Variants in RRP7A observed in about 807,000 individuals in gnomAD.
RRP7A encodes ribosomal RNA-processing protein 7 homolog A.
In RRP7A, 27 loss-of-function variants were observed where a neutral mutation model predicts 38.4. The observed-to-expected ratio is 0.70, with a 90% confidence interval of 0.52 to 0.97. The LOEUF (loss-of-function observed/expected upper bound fraction) is 0.97, where lower values mean the gene tolerates loss of function less well. Ranked by LOEUF, RRP7A falls within the 50% of genes least tolerant of loss-of-function variation. The pLI is 0.00. For missense variants in RRP7A, 327 were observed against 375.4 expected, an observed-to-expected ratio of 0.87 and a Z score of 1.07; for synonymous variants, 124 against 150.3, an observed-to-expected ratio of 0.83 and a Z score of 1.28.
rs1932493351 is a variant in RRP7A at position 42,512,359 on chromosome 22, C to G, written c.*551G>C. The G allele has an allele frequency of 1.2e-6, 1 of 813,272 alleles. No homozygotes were observed. The highest frequency in any genetic ancestry group is 1.7e-5 in the African/African-American group (1 of 58,680). The allele number at this position is 813,272 out of a possible 1,614,324, so 50.4% of individuals were successfully genotyped here. A position where few individuals can be genotyped will look rare whatever the true frequency, so the allele number is the denominator to read the frequency against. On this transcript the variant is annotated 3_prime_UTR_variant, in exon 7 of 7. Coordinates refer to ENST00000323013, the MANE Select transcript of RRP7A (RefSeq NM_015703.5). ...AGGCCTCACTAGTCTTGAGGCCCAG[C>G]CTAGGATGGTAGTCAGGGGAAGGAG... is the stretch of plus-strand genomic sequence containing the variant.
chr22:42,517,157 A>C (rs1381258580), intron 2 of RRP7A, among the ~76,000 whole-genome samples: 2 of 151,972 alleles, frequency 1.3e-5, no homozygotes, highest in African/African-American at 2.4e-5. Context: ...GGGCGCCTGT[A>C]ATTCCAGCTG....
intron 2 of RRP7A, among the ~76,000 whole-genome samples, chr22:42,517,339 T>C (rs1319102593): frequency 7.6e-6 from 1 of 130,824 alleles, no homozygotes; most frequent in Non-Finnish European, 1.5e-5. Context: ...AGCTTAGTTT[T>C]TGTAAAAAAA....
Position 42,518,117 on chromosome 22 carries a change from T to C in RRP7A, c.104A>G (p.Gln35Arg), listed in dbSNP as rs767268802. The change falls in exon 2 of 7, where the codon CAG (glutamine) becomes CGG (arginine). Residue 35 changes from glutamine (Q) to arginine (R), a missense_variant. By Grantham distance (43) the Gln-to-Arg change is conservative. Transcript: ENST00000323013. ...TCTCACATAGAGGTAGTGAGAAGCC[T>C]GTTGCTTTTCAGAGAACTTGATTGG... Reference protein sequence around the residue: ...AIPIKFSEKQQASHYLYVRAH... With the variant: ...AIPIKFSEKQRASHYLYVRAH... 2.5e-6 allele frequency: 4 copies of C among 1,613,658 alleles called. No individual in the cohort carries two copies. The Admixed American group carries it at 5.0e-5, about 20-fold the overall frequency.
rs1932419382 is a variant in RRP7A at position 42,510,417 on chromosome 22, A to T, written c.*2493T>A. 2 of 256,646 alleles carry T rather than the reference A, an allele frequency of 7.8e-6. No homozygotes were observed. The highest frequency in any genetic ancestry group is 1.5e-5 in the Non-Finnish European group (2 of 131,438). The allele number at this position is 256,646 out of a possible 1,614,324, so 15.9% of individuals were successfully genotyped here. ...TGCGCCCCAGCAAGGCTGTGCCTTC[A>T]GCACTTGCTTGCGCCTGGCTTGTGC... is the stretch of plus-strand genomic sequence containing the variant. On this transcript the variant is annotated 3_prime_UTR_variant, in exon 7 of 7. Transcript: ENST00000323013.
intron 5 of RRP7A, among the ~76,000 whole-genome samples, 161 bp downstream of exon 5, chr22:42,514,521 T>C (rs371271499): frequency 6.6e-6 from 1 of 152,052 alleles, no homozygotes; most frequent in African/African-American, 2.4e-5. Context: ...GGAGACTACA[T>C]GTGTCACCCA....
chr22:42,518,401 A>G (rs1418816685), intron 1 of RRP7A, among the ~76,000 whole-genome samples: 1 of 151,130 alleles, frequency 6.6e-6, no homozygotes, highest in African/African-American at 2.4e-5. Flanking sequence ...ATGGGGGCGC[A>G]ATGAGAGGGA....
rs770435858 is a variant in RRP7A at position 42,516,141 on chromosome 22, C to A, written c.217-5G>T. ...CAGGAGGCGGGACAGGCTCTCCTGC[C>A]GCAGGGAGAGGGAAGCCAAGTGTGA... On this transcript the variant is annotated splice_polypyrimidine_tract_variant and splice_region_variant and intron_variant, in intron 2 of 6. Coordinates refer to ENST00000323013, the MANE Select transcript of RRP7A (RefSeq NM_015703.5). The A allele has an allele frequency of 6.2e-7, 1 of 1,612,648 alleles. No individual in the cohort carries two copies. The highest frequency in any genetic ancestry group is 1.7e-5 in the Admixed American group (1 of 59,978).
Position 42,516,120 on chromosome 22 carries a change from A to AG in RRP7A, c.232dup (p.Leu78ProfsTer21). 6.2e-7 allele frequency: 1 copy of AG among 1,613,294 alleles called. No individual in the cohort carries two copies. The highest frequency in any genetic ancestry group is 1.1e-5 in the South Asian group (1 of 91,066). Reference sequence around the variant, plus strand: ...CTGGACGAGGCCACAGGTGGACAGGAGGCGGGACAGGCTCTCCTGCCGCAG... The same window carrying AG: ...CTGGACGAGGCCACAGGTGGACAGGAGGGCGGGACAGGCTCTCCTGCCGCAG... On this transcript the variant is annotated frameshift_variant, in exon 3 of 7. Transcript: ENST00000323013. LOFTEE classifies it high-confidence loss of function.
intron 2 of RRP7A, chr22:42,516,378 T>C (rs1293648797): frequency 1.8e-6 from 1 of 553,404 alleles, no homozygotes. Context: ...TAGCCCAGGC[T>C]GGAGTCCTGC....
chr22:42,513,952 T>C (rs1185252345), intron 6 of RRP7A, among the ~76,000 whole-genome samples, 154 bp downstream of exon 6: 2 of 151,688 alleles, frequency 1.3e-5, no homozygotes, highest in Non-Finnish European at 2.9e-5. Context: ...GCTGGGCCTC[T>C]TTCCACAGAG....
At chr22:42,518,634 G>C (rs1441555543) in intron 1 of RRP7A, 1 of 470,234 alleles carries the variant, frequency 2.1e-6, no homozygotes. Context: ...CTCAAACCTC[G>C]CTTCCTCAGG....
intron 6 of RRP7A, among the ~76,000 whole-genome samples, chr22:42,513,821 C>T (rs202231853): frequency 2.6e-5 from 4 of 152,212 alleles, no homozygotes; most frequent in South Asian, 4.2e-4. Flanking sequence ...GGCTGACGAG[C>T]GCCAGCACTA....
chr22:42,518,482 G>T, intron 1 of RRP7A: 1 of 415,334 alleles, frequency 2.4e-6, no homozygotes, highest in East Asian at 6.4e-5. Flanking sequence ...GTGAGACCCT[G>T]CCTGTCACTG....
rs1182719264 is a variant in RRP7A, at chr22:42,512,156, C to T, written c.*754G>A. 1 of 1,560,688 alleles carries T rather than the reference C, an allele frequency of 6.4e-7. No homozygotes were observed. The highest frequency in any genetic ancestry group is 1.1e-5 in the South Asian group (1 of 90,498). On this transcript the variant is annotated 3_prime_UTR_variant, in exon 7 of 7. Coordinates refer to ENST00000323013, the MANE Select transcript of RRP7A (RefSeq NM_015703.5). ...TGGAAGTCCCAGGCAATCACTGTGTCCACATGAGCGAACCCCAGCACGTGG... is the reference window on the plus strand; with the variant it reads ...TGGAAGTCCCAGGCAATCACTGTGTTCACATGAGCGAACCCCAGCACGTGG...
intron 2 of RRP7A, 97 bp downstream of exon 2, chr22:42,517,908 A>G (rs1367996038): frequency 7.1e-7 from 1 of 1,411,644 alleles, no homozygotes; most frequent in Non-Finnish European, 9.7e-7. Context: ...TGGGGCTCCC[A>G]TTAGCTGTGT....
rs544402613 is a variant in RRP7A at position 42,519,755 on chromosome 22, C to A, written c.32G>T (p.Arg11Leu). The change falls in exon 1 of 7, where the codon CGG (arginine) becomes CTG (leucine). Residue 11 changes from arginine (R) to leucine (L), a missense_variant. By Grantham distance (102) the Arg-to-Leu change is moderately radical. Transcript: ENST00000323013. ...GCTGGGGATACGGTCCTCCGGGTCC[C>A]GCGCGGCGCACTTCCTCCTGCGCGC... The part of the protein sequence containing the change: MVARRRKCAA[R>L]DPEDRIPSPL... The A allele has an allele frequency of 8.3e-6, 12 of 1,453,626 alleles. No individual in the cohort carries two copies. In the East Asian group the frequency reaches 3.3e-4, roughly 40 times the overall value. 90.0% of individuals were successfully genotyped at this position (1,453,626 alleles called of 1,614,324 possible). A position where few individuals can be genotyped will look rare whatever the true frequency, so the allele number is the denominator to read the frequency against.
Position 42,510,849 on chromosome 22 carries a change from AG to A in RRP7A, c.*2060del, listed in dbSNP as rs1173042450. On this transcript the variant is annotated 3_prime_UTR_variant, in exon 7 of 7. Coordinates refer to ENST00000323013, the MANE Select transcript of RRP7A (RefSeq NM_015703.5). ...CCCCCAGGCCCAACAAGTGACCACC[AG>A]GATCTATCAGGCCTCATGCTCCAGT... is the stretch of plus-strand genomic sequence containing the variant. 2.7e-6 allele frequency: 3 copies of A among 1,119,092 alleles called. No individual in the cohort carries two copies. The Admixed American group carries it at 1.3e-4, about 48-fold the overall frequency. 69.3% of individuals were successfully genotyped at this position (1,119,092 alleles called of 1,614,324 possible). A position where few individuals can be genotyped will look rare whatever the true frequency, so the allele number is the denominator to read the frequency against.
chr22:42,512,730 C>T lies in RRP7A; in HGVS notation c.*180G>A, dbSNP rs573445667. ...TCCCCAGGACTGCTGAAGCACAAGACCCGAGGGGTGGCCTGGTCCTTCCCT... is the reference window on the plus strand; with the variant it reads ...TCCCCAGGACTGCTGAAGCACAAGATCCGAGGGGTGGCCTGGTCCTTCCCT... On this transcript the variant is annotated 3_prime_UTR_variant, in exon 7 of 7. Transcript: ENST00000323013. 2.2e-4 allele frequency: 147 copies of T among 675,312 alleles called. No homozygotes were observed. The South Asian group carries it at 2.5e-3, about 12-fold the overall frequency. The allele number at this position is 675,312 out of a possible 1,614,324, so 41.8% of individuals were successfully genotyped here. A position where few individuals can be genotyped will look rare whatever the true frequency, so the allele number is the denominator to read the frequency against.
rs1401927579 is a variant in RRP7A at position 42,509,599 on chromosome 22, G to C, written c.*3311C>G. Reference sequence around the variant, plus strand: ...GCCTGCCTCGGCCTCCCAGTGTTGGGATTACAGGCGAGAGCCACCGTGCGT... The same window carrying C: ...GCCTGCCTCGGCCTCCCAGTGTTGGCATTACAGGCGAGAGCCACCGTGCGT... On this transcript the variant is annotated 3_prime_UTR_variant, in exon 7 of 7. Transcript: ENST00000323013. Among the ~76,000 whole-genome samples, 2 of 151,462 alleles carry C rather than the reference G, an allele frequency of 1.3e-5. No homozygotes were observed. Among genetic ancestry groups the C allele is most frequent in the African/African-American group, 4.8e-5 (2 of 41,286 alleles).
Sources: gnomAD v4.1 joint callset for allele counts (sites outside exome capture counted in the v4.1 genomes callset) on GRCh38, gnomAD v4.1.1 for gene constraint, MANE v1.5 for transcripts, NCBI Gene and HGNC (gene_info 2026-07-23, HGNC 2026-07-21) for gene names.